The following ZFPM1 variants were observed in gnomAD, a reference collection of about 807,000 sequenced individuals.
ZFPM1 encodes zinc finger protein ZFPM1.
Under a neutral mutation model 46.3 loss-of-function variants are expected in ZFPM1, and 28 were observed. That is an observed-to-expected ratio of 0.60 (90% CI 0.45 to 0.83). ZFPM1 has a LOEUF of 0.83. Among genes scored for constraint, ZFPM1 ranks in the 40% least tolerant of loss-of-function variants. The pLI, the probability that ZFPM1 is intolerant of heterozygous loss-of-function variation, is 0.00. For synonymous variants in ZFPM1, 957 were observed against 675.9 expected (o/e 1.42, Z -6.45); for missense variants, 1,878 against 1,432.4 (o/e 1.31, Z -5.02).
At chr16:88,518,853 T>C (rs937220500) in intron 4 of ZFPM1, among the ~76,000 whole-genome samples, 7 of 143,336 alleles carry the variant, frequency 4.9e-5, no homozygotes, top group Non-Finnish European at 7.5e-5. Flanking sequence ...GGTAGATGGA[T>C]TGACGGTTGG....
chr16:88,526,320 C>G (rs1912316624), intron 4 of ZFPM1, among the ~76,000 whole-genome samples: 1 of 152,210 alleles, frequency 6.6e-6, no homozygotes, highest in Non-Finnish European at 1.5e-5. Flanking sequence ...ATCTCGGCCC[C>G]AGCCCACAGA....
intron 4 of ZFPM1, 109 bp from the exon 5 acceptor site, chr16:88,526,705 G>T: frequency 8.0e-7 from 1 of 1,245,466 alleles, no homozygotes; most frequent in Non-Finnish European, 1.1e-6. Context: ...TGGCCTACCA[G>T]CCAAGCCGGG....
At chr16:88,495,731 G>A (rs558380058) in intron 3 of ZFPM1, among the ~76,000 whole-genome samples, 8 of 152,306 alleles carry the variant, frequency 5.3e-5, no homozygotes, top group African/African-American at 1.7e-4. Flanking sequence ...GAGGGAAGCC[G>A]GGGCTCTATG....
At chr16:88,531,527 G>A (rs1013717432) in intron 6 of ZFPM1, among the ~76,000 whole-genome samples, 2 of 152,156 alleles carry the variant, frequency 1.3e-5, no homozygotes, top group African/African-American at 2.4e-5. Context: ...AGCAGCCATC[G>A]TGTGCCTGAG....
chr16:88,532,495 C>T, intron 7 of ZFPM1, 119 bp from the exon 8 acceptor site: 2 of 1,091,180 alleles, frequency 1.8e-6, no homozygotes, highest in Non-Finnish European at 1.3e-6. Flanking sequence ...GGTTTAAAGA[C>T]CCTTCAGCAC....
At chr16:88,466,887 G>A (rs1467214426) in intron 1 of ZFPM1, among the ~76,000 whole-genome samples, 2 of 152,042 alleles carry the variant, frequency 1.3e-5, no homozygotes, top group African/African-American at 2.4e-5. Context: ...AGCCTCCTTG[G>A]CCTTTGAGGA....
chr16:88,523,110 G>A (rs1207837157), intron 4 of ZFPM1, among the ~76,000 whole-genome samples: 1 of 151,894 alleles, frequency 6.6e-6, no homozygotes, highest in East Asian at 1.9e-4. Context: ...GGAGGCTGAG[G>A]CAGGAGAATT....
At chr16:88,529,995 A>G (rs773268161) in intron 6 of ZFPM1, among the ~76,000 whole-genome samples, 232 of 152,312 alleles carry the variant, frequency 1.5e-3, no homozygotes, top group Non-Finnish European at 2.8e-3. Context: ...CCAGGGAGCC[A>G]GGAGGTCAGA....
At chr16:88,474,474 G>A (rs1392772130) in intron 1 of ZFPM1, among the ~76,000 whole-genome samples, 1 of 152,036 alleles carries the variant, frequency 6.6e-6, no homozygotes, top group Non-Finnish European at 1.5e-5. Flanking sequence ...GCTTCTCACG[G>A]TGCCCAGAAT....
rs112018554 is a variant in ZFPM1, at chr16:88,457,679, T to C, written c.40+4001T>C. ...TTAAAATTTTTTTACAAAATAGACA[T>C]GGAGTCTCACTACGTTGCCCAGGCT... On this transcript the variant is annotated intron_variant, in intron 1 of 9. Coordinates refer to ENST00000319555, the MANE Select transcript of ZFPM1 (RefSeq NM_153813.3). Among the ~76,000 whole-genome samples, 9 of 152,206 alleles carry C rather than the reference T, an allele frequency of 5.9e-5. 1 individual carries two copies. The highest frequency in any genetic ancestry group is 2.2e-4 in the African/African-American group (9 of 41,512).
At chr16:88,466,620 CTA>C (rs1232741536) in intron 1 of ZFPM1, among the ~76,000 whole-genome samples, 1 of 152,222 alleles carries the variant, frequency 6.6e-6, no homozygotes, top group Non-Finnish European at 1.5e-5. Flanking sequence ...TGGCCTGCCT[CTA>C]TTCTTGTTTC....
At chr16:88,526,178 C>A (rs1567552957) in intron 4 of ZFPM1, among the ~76,000 whole-genome samples, 1 of 152,230 alleles carries the variant, frequency 6.6e-6, no homozygotes, top group African/African-American at 2.4e-5. Flanking sequence ...CAGCGTCCGC[C>A]GTGTGCCGGC....
intron 3 of ZFPM1, among the ~76,000 whole-genome samples, chr16:88,505,425 C>G (rs928749853): frequency 1.3e-5 from 2 of 152,230 alleles, no homozygotes; most frequent in Non-Finnish European, 2.9e-5. Context: ...GGGACACAGC[C>G]GTTCAACAGC....
chr16:88,487,156 CCA>C (rs1290407837), intron 2 of ZFPM1, among the ~76,000 whole-genome samples: 1 of 152,156 alleles, frequency 6.6e-6, no homozygotes, highest in Non-Finnish European at 1.5e-5. Context: ...CCAGACACAT[CCA>C]GAGACCCTGG....
At chr16:88,453,815 T>G in intron 1 of ZFPM1, 137 bp downstream of exon 1, 1 of 460,904 alleles carries the variant, frequency 2.2e-6, no homozygotes, top group Non-Finnish European at 2.9e-6. Context: ...CCCCGCGCTG[T>G]GCCAAGCGCG....
intron 2 of ZFPM1, among the ~76,000 whole-genome samples, chr16:88,488,018 C>G (rs1909331200): frequency 6.6e-6 from 1 of 152,258 alleles, no homozygotes; most frequent in African/African-American, 2.4e-5. Context: ...GGGCCGGGCT[C>G]TTAACCCTCG....
chr16:88,515,712 G>A (rs978391398), intron 4 of ZFPM1, among the ~76,000 whole-genome samples: 16 of 152,246 alleles, frequency 1.1e-4, no homozygotes, highest in Non-Finnish European at 1.5e-4. Context: ...TGGAAGAACG[G>A]CAGCGGAAGC....
At chr16:88,499,314 G>A (rs1437984358) in intron 3 of ZFPM1, among the ~76,000 whole-genome samples, 1 of 152,272 alleles carries the variant, frequency 6.6e-6, no homozygotes, top group African/African-American at 2.4e-5. Context: ...TTGAGCACAA[G>A]CTATGTGCCA....
Position 88,532,860 on chromosome 16 carries a change from A to G in ZFPM1, c.1114A>G (p.Met372Val), listed in dbSNP as rs752136908. The G allele has an allele frequency of 6.2e-7, 1 of 1,613,422 alleles. No homozygotes were observed. The highest frequency in any genetic ancestry group is 1.1e-5 in the South Asian group (1 of 91,084). The change falls in exon 9 of 10, where the codon ATG (methionine) becomes GTG (valine). Residue 372 changes from methionine (M) to valine (V), a missense_variant. Transcript: ENST00000319555. ...CTACAGCCACTTGGTCACCAACCAC[A>G]TGGTCTGCCAGCCTGGCTCCAAGGG... ...ILYSHLVTNH[M>V]VCQPGSKGEI...
Sources: gnomAD v4.1 joint callset for allele counts (sites outside exome capture counted in the v4.1 genomes callset) on GRCh38, gnomAD v4.1.1 for gene constraint, MANE v1.5 for transcripts, NCBI Gene and HGNC (gene_info 2026-07-23, HGNC 2026-07-21) for gene names.